The following NAV2 variants were observed in gnomAD, a reference collection of about 807,000 sequenced individuals.
The protein encoded by NAV2 is helicase, APC down-regulated 1.
NAV2 carries 54 observed loss-of-function variants against 223.2 expected under a neutral mutation model. The observed-to-expected ratio is 0.24, with a 90% CI of 0.19 to 0.30. The LOEUF is 0.30. NAV2 is among the 10% of genes least tolerant of loss of function. NAV2 has a pLI of 1.00. For synonymous variants in NAV2, 1,279 were observed against 1,239.3 expected, an observed-to-expected ratio of 1.03 and a Z score of -0.67; for missense variants, 2,806 against 3,147.5, an observed-to-expected ratio of 0.89 and a Z score of 2.60.
At chr11:19,534,919 C>G (rs911902584) in intron 1 of NAV2, among the ~76,000 whole-genome samples, 2 of 152,200 alleles carry the variant, frequency 1.3e-5, no homozygotes, top group East Asian at 3.9e-4. Context: ...AATTTCACAT[C>G]TCTTAACTTC....
At chr11:19,603,812 G>T (rs1001387562) in intron 1 of NAV2, among the ~76,000 whole-genome samples, 1 of 151,976 alleles carries the variant, frequency 6.6e-6, no homozygotes, top group Non-Finnish European at 1.5e-5. Flanking sequence ...AAAGAAAGGG[G>T]TATAGTGAGT....
At chr11:19,909,460 C>G (rs375118185) in intron 6 of NAV2, among the ~76,000 whole-genome samples, 175 of 152,340 alleles carry the variant, frequency 1.1e-3, no homozygotes, top group African/African-American at 3.5e-3. Flanking sequence ...GTTTATCTTT[C>G]TGCCTCTGAT....
intron 26 of NAV2, among the ~76,000 whole-genome samples, chr11:20,084,629 G>C (rs972340410): frequency 2.0e-5 from 3 of 152,198 alleles, no homozygotes; most frequent in African/African-American, 7.2e-5. Flanking sequence ...GCCCAGCCCA[G>C]TGTCCTGTGT....
At chr11:20,111,921 G>A (rs1360026393) in intron 36 of NAV2, among the ~76,000 whole-genome samples, 11 of 152,214 alleles carry the variant, frequency 7.2e-5, no homozygotes, top group Admixed American at 2.0e-4. Context: ...TAATCTCTGA[G>A]GACATGTTCA....
intron 1 of NAV2, among the ~76,000 whole-genome samples, chr11:19,546,241 G>A (rs886853295): frequency 1.3e-5 from 2 of 152,224 alleles, no homozygotes; most frequent in African/African-American, 4.8e-5. Context: ...ATGGATTTCT[G>A]AAGAGCAGAT....
upstream of NAV2, among the ~76,000 whole-genome samples, chr11:19,710,091 T>C (rs2049818628): frequency 1.3e-5 from 2 of 152,238 alleles, no homozygotes; most frequent in South Asian, 4.1e-4. Context: ...ACCTTGGCAG[T>C]AAATACAATT....
chr11:20,057,337 T>C (rs897713614), intron 19 of NAV2, among the ~76,000 whole-genome samples: 7 of 152,222 alleles, frequency 4.6e-5, no homozygotes, highest in Admixed American at 2.0e-4. Flanking sequence ...ATTTTCTTGG[T>C]AACTTAATAC....
intron 1 of NAV2, among the ~76,000 whole-genome samples, chr11:19,513,536 A>G (rs1301776156): frequency 2.0e-5 from 3 of 152,070 alleles, no homozygotes; most frequent in African/African-American, 7.2e-5. Flanking sequence ...GTAGACAGTC[A>G]TGGGCCCTGT....
Position 19,776,632 on chromosome 11 carries a change from A to ATGTGTGTGTGTGTGTGTGTGTGTG in NAV2, c.268-55831_268-55808dup, listed in dbSNP as rs71050685. On this transcript the variant is annotated intron_variant, in intron 1 of 37. Coordinates refer to ENST00000349880, the MANE Select transcript of NAV2 (RefSeq NM_145117.5). ...TGGTTAGAGTTGTGGGGGTCAGAAA[A>ATGTGTGTGTGTGTGTGTGTGTGTG]TGTGTGTGTGTGTGTGTGTGTGTGT... is the stretch of plus-strand genomic sequence containing the variant. 1.1e-3 allele frequency among the ~76,000 whole-genome samples: 70 copies of ATGTGTGTGTGTGTGTGTGTGTGTG among 64,654 alleles called. 2 individuals carry two copies. The highest frequency in any genetic ancestry group is 1.7e-3 in the Admixed American group (11 of 6,636). 42.4% of individuals were successfully genotyped at this position (64,654 alleles called of 152,430 possible). A position where few individuals can be genotyped will look rare whatever the true frequency, so the allele number is the denominator to read the frequency against.
At chr11:20,051,265 A>G in intron 16 of NAV2, 24 bp from the exon 17 acceptor site, 1 of 1,611,314 alleles carries the variant, frequency 6.2e-7, no homozygotes, top group Non-Finnish European at 8.5e-7. Flanking sequence ...TGAAGTTCTT[A>G]TTTTTGTTTT....
intron 3 of NAV2, among the ~76,000 whole-genome samples, chr11:19,857,658 A>G (rs1188094101): frequency 6.6e-6 from 1 of 151,964 alleles, no homozygotes; most frequent in Non-Finnish European, 1.5e-5. Context: ...ACTGGAAGTC[A>G]GGATTTTTTT....
chr11:20,101,310 G>C, intron 32 of NAV2, 138 bp downstream of exon 32: 1 of 665,692 alleles, frequency 1.5e-6, no homozygotes, highest in Non-Finnish European at 2.6e-6. Flanking sequence ...AAGAGGTCCA[G>C]AGGGGGCTAG....
chr11:19,628,089 G>C (rs1435277931), intron 1 of NAV2, among the ~76,000 whole-genome samples: 1 of 152,160 alleles, frequency 6.6e-6, no homozygotes, highest in East Asian at 1.9e-4. Context: ...AGAATCTCCT[G>C]TTGCTGACAC....
intron 1 of NAV2, among the ~76,000 whole-genome samples, chr11:19,626,732 A>C (rs1333474050): frequency 6.6e-6 from 1 of 152,144 alleles, no homozygotes; most frequent in Non-Finnish European, 1.5e-5. Context: ...TTTCCATAGA[A>C]GTCTTTTACT....
intron 6 of NAV2, among the ~76,000 whole-genome samples, chr11:19,906,420 CAG>C (rs1431495815): frequency 2.6e-5 from 4 of 152,140 alleles, no homozygotes; most frequent in African/African-American, 7.2e-5. Context: ...GTACATGGCA[CAG>C]AGAGGGGTGG....
rs551542651 is a variant in NAV2 at position 19,993,886 on chromosome 11, C to A, written c.2768+9639C>A. 2.0e-5 allele frequency among the ~76,000 whole-genome samples: 3 copies of A among 152,320 alleles called. No individual in the cohort carries two copies. In the East Asian group the frequency reaches 5.8e-4, roughly 29 times the overall value. ...GTGATTGTTTAGAATTTACTGAGCA[C>A]CTACTATGCAACGGGCTCTTGGGAT... On this transcript the variant is annotated intron_variant, in intron 11 of 37. Transcript: ENST00000349880.
At chr11:20,116,597 A>G (rs1305381778) in intron 37 of NAV2, among the ~76,000 whole-genome samples, 1 of 152,186 alleles carries the variant, frequency 6.6e-6, no homozygotes, top group Non-Finnish European at 1.5e-5. Flanking sequence ...GCCCATCCCT[A>G]AACAATCTTT....
At chr11:19,629,530 C>T (rs989716004) in intron 1 of NAV2, among the ~76,000 whole-genome samples, 2 of 138,266 alleles carry the variant, frequency 1.4e-5, no homozygotes, top group African/African-American at 3.0e-5. Context: ...TTCTTTTTTT[C>T]TCTCTCTCTC....
chr11:19,772,714 C>G (rs890794445), intron 1 of NAV2, among the ~76,000 whole-genome samples: 13 of 152,226 alleles, frequency 8.5e-5, no homozygotes, highest in African/African-American at 3.1e-4. Flanking sequence ...ATCCCCCCAT[C>G]AGCCTTGCCT....
Sources: allele counts gnomAD v4.1 joint callset (sites outside exome capture counted in the v4.1 genomes callset), GRCh38; gene constraint gnomAD v4.1.1; transcripts MANE v1.5; gene names NCBI Gene and HGNC (gene_info 2026-07-23, HGNC 2026-07-21).